PLG: variants seen among roughly 807,000 people sequenced by gnomAD.
The protein encoded by PLG is plasmin.
PLG carries 41 observed loss-of-function variants against 104.4 expected under a neutral mutation model. The observed-to-expected ratio is 0.39, with a 90% confidence interval of 0.31 to 0.51. The LOEUF (loss-of-function observed/expected upper bound fraction) is 0.51. Among genes scored for constraint, PLG ranks in the 20% least tolerant of loss-of-function variants. The probability of loss-of-function intolerance (pLI) is 0.76; values close to 1 mark genes in which losing one functional copy is unlikely to be tolerated. For missense variants in PLG, 891 were observed against 1,003.6 expected (o/e 0.89, Z 1.52); for synonymous variants, 337 against 357.1 (o/e 0.94, Z 0.63).
rs950620666 is a variant in PLG, at chr6:160,741,177, C to T, written c.2019-134C>T. Reference sequence around the variant, plus strand: ...TGTGAGGGTGAAACTCTGTGTTCTACGTTGCTCTGTGTCAGTGAAGCAAGG... The same window carrying T: ...TGTGAGGGTGAAACTCTGTGTTCTATGTTGCTCTGTGTCAGTGAAGCAAGG... On this transcript the variant is annotated intron_variant, in intron 16 of 18. Transcript: ENST00000308192. The surrounding 1 kb of genome is among the most constrained non-coding windows in gnomAD (Gnocchi z 4.7). 2.0e-5 allele frequency: 14 copies of T among 708,998 alleles called. 1 individual carries two copies. Among genetic ancestry groups the T allele is most frequent in the South Asian group, 5.9e-5 (4 of 67,980 alleles). 43.9% of individuals were successfully genotyped at this position (708,998 alleles called of 1,614,324 possible). A position where few individuals can be genotyped will look rare whatever the true frequency, so the allele number is the denominator to read the frequency against.
intron 7 of PLG, among the ~76,000 whole-genome samples, chr6:160,717,967 T>C (rs940240287): frequency 6.6e-6 from 1 of 152,130 alleles, no homozygotes. Flanking sequence ...TTATTCATTG[T>C]AGGGCTGGGC....
At position 160,712,973 on chromosome 6, in the gene PLG, C is replaced by T. The variant is rs1243829125; in HGVS notation, c.408-13C>T. 3 of 1,606,746 alleles carry T rather than the reference C, an allele frequency of 1.9e-6. No individual in the cohort carries two copies. The highest frequency in any genetic ancestry group is 2.7e-5 in the African/African-American group (2 of 74,760). ...AGAATATAGTCTAAGTGCTTCTTTTCCATCCTCCCCAGATTCTCACCTGCT... is the reference window on the plus strand; with the variant it reads ...AGAATATAGTCTAAGTGCTTCTTTTTCATCCTCCCCAGATTCTCACCTGCT... On this transcript the variant is annotated splice_polypyrimidine_tract_variant and intron_variant, in intron 4 of 18. Transcript: ENST00000308192.
In PLG at chr6:160,734,080, C is replaced by T; in HGVS notation, c.1673C>T (p.Pro558Leu). The T allele has an allele frequency of 6.3e-7, 1 of 1,590,340 alleles. No individual in the cohort carries two copies. The highest frequency in any genetic ancestry group is 8.6e-7 in the Non-Finnish European group (1 of 1,158,750). ...AAACTTTACGACTACTGTGATGTCC[C>T]TCAGTGTGGTAGGTTGCCTTCTTTT... ...PRKLYDYCDVPQCAAPSFDCG... is the reference protein window; with the variant it reads ...PRKLYDYCDVLQCAAPSFDCG... The change falls in exon 13 of 19, where the codon CCT becomes CTT. Residue 558 changes from proline to leucine, a missense_variant. Around this residue, in one of 2 missense-constraint regions of PLG, gnomAD observed 854 missense variants for 932.1 expected, o/e 0.92. Transcript: ENST00000308192. The surrounding 1 kb of genome is among the most constrained non-coding windows in gnomAD (Gnocchi z 4.4).
Position 160,737,090 on chromosome 6 carries a change from C to G in PLG, c.1802+83C>G. The stretch of plus-strand genomic sequence containing the variant: ...CTTCTACATTTACATAAAATCCACA[C>G]AGCTGAGGCATCAGCACCTGCCTCT... On this transcript the variant is annotated intron_variant, in intron 14 of 18. Coordinates refer to ENST00000308192, the MANE Select transcript of PLG (RefSeq NM_000301.5). The surrounding 1 kb of genome is among the most constrained non-coding windows in gnomAD (Gnocchi z 4.7). 2 of 1,579,664 alleles carry G rather than the reference C, an allele frequency of 1.3e-6. No individual in the cohort carries two copies. Among genetic ancestry groups the G allele is most frequent in the Non-Finnish European group, 1.7e-6 (2 of 1,157,902 alleles).
chr6:160,718,881 C>T (rs373262924), intron 9 of PLG, 43 bp downstream of exon 9: 2 of 1,584,464 alleles, frequency 1.3e-6, no homozygotes, highest in Non-Finnish European at 1.7e-6. Flanking sequence ...CAAGTTTTCT[C>T]CTTATTTTTG....
intron 9 of PLG, 55 bp downstream of exon 9, chr6:160,718,893 A>G: frequency 6.8e-7 from 1 of 1,465,760 alleles, no homozygotes; most frequent in Admixed American, 1.7e-5. Flanking sequence ...TTATTTTTGT[A>G]TACCAGTGGC....
chr6:160,751,351 C>T (rs1158198793), intron 17 of PLG, among the ~76,000 whole-genome samples: 2 of 152,190 alleles, frequency 1.3e-5, no homozygotes, highest in Non-Finnish European at 2.9e-5. Context: ...CCTCCTTACG[C>T]CTCAGTTTCC....
intron 6 of PLG, among the ~76,000 whole-genome samples, chr6:160,715,454 T>C (rs964913138): frequency 1.3e-5 from 2 of 152,222 alleles, no homozygotes; most frequent in Non-Finnish European, 2.9e-5. Context: ...TGAGGATTCG[T>C]AACTTCCATC....
intron 10 of PLG, among the ~76,000 whole-genome samples, chr6:160,727,006 A>C (rs1163464099): frequency 2.0e-5 from 3 of 151,982 alleles, no homozygotes; most frequent in Non-Finnish European, 4.4e-5. Flanking sequence ...GTTCTTTTGA[A>C]AGATTCATGT....
intron 6 of PLG, among the ~76,000 whole-genome samples, chr6:160,716,388 G>C (rs1316615528): frequency 6.6e-6 from 1 of 152,162 alleles, no homozygotes; most frequent in African/African-American, 2.4e-5. Context: ...GCTTGAGTGA[G>C]TTCAAGGAGT....
chr6:160,708,970 T>G (rs34126283), intron 3 of PLG, among the ~76,000 whole-genome samples: 1 of 147,884 alleles, frequency 6.8e-6, no homozygotes, highest in Non-Finnish European at 1.5e-5. Context: ...TACCAGATTT[T>G]AAAAAAAAAA....
At chr6:160,702,443 T>A in intron 1 of PLG, 90 bp downstream of exon 1, 2 of 1,322,504 alleles carry the variant, frequency 1.5e-6, no homozygotes, top group East Asian at 4.8e-5. Flanking sequence ...GTGCAATTCA[T>A]TTAATTTTTG....
Position 160,737,308 on chromosome 6 carries a change from T to C in PLG, c.1802+301T>C, listed in dbSNP as rs902072449. ...TTGCTGGAAAATACTGAAGATGCTC[T>C]GAGGATTTCTATGGATATCCATTGT... is the stretch of plus-strand genomic sequence containing the variant. On this transcript the variant is annotated intron_variant, in intron 14 of 18. Coordinates refer to ENST00000308192, the MANE Select transcript of PLG (RefSeq NM_000301.5). This position sits in a 1 kb window ranked among gnomAD's most constrained non-coding sequence, Gnocchi z 4.7. 1.3e-5 allele frequency among the ~76,000 whole-genome samples: 2 copies of C among 152,190 alleles called. No homozygotes were observed. The highest frequency in any genetic ancestry group is 1.3e-4 in the Admixed American group (2 of 15,272).
chr6:160,738,021 C>T lies in PLG; in HGVS notation c.1803-517C>T, dbSNP rs566852719. Among the ~76,000 whole-genome samples the T allele has an allele frequency of 5.6e-4, 85 of 152,154 alleles. No individual in the cohort carries two copies. The highest frequency in any genetic ancestry group is 9.7e-4 in the Non-Finnish European group (66 of 68,044). On this transcript the variant is annotated intron_variant, in intron 14 of 18. Coordinates refer to ENST00000308192, the MANE Select transcript of PLG (RefSeq NM_000301.5). This position sits in a 1 kb window ranked among gnomAD's most constrained non-coding sequence, Gnocchi z 6.8. ...ATTATTCTGAGCTATTACCTGCCTA[C>T]GCAGTCCTAGAAAGTAAGTGATTCA...
In PLG at chr6:160,716,755, C is replaced by A; in HGVS notation, c.779C>A (p.Pro260His). 6.3e-7 allele frequency: 1 copy of A among 1,581,610 alleles called. No homozygotes were observed. The highest frequency in any genetic ancestry group is 8.7e-7 in the Non-Finnish European group (1 of 1,150,360). Residue 260 changes from proline (P) to histidine (H), a missense_variant, in exon 7 of 19, where the codon CCC (proline) becomes CAC (histidine). Physicochemically the swap from Pro to His is moderately conservative, Grantham distance 77. Around this residue, in one of 2 missense-constraint regions of PLG, gnomAD observed 854 missense variants for 932.1 expected, o/e 0.92. Coordinates refer to ENST00000308192, the MANE Select transcript of PLG (RefSeq NM_000301.5). ...PNKRWELCDI[P>H]RCTTPPPSSG... ...AAGCGCTGGGAACTTTGTGACATCCCCCGCTGCAGTGAGTATGATGCACAC... is the reference window on the plus strand; with the variant it reads ...AAGCGCTGGGAACTTTGTGACATCCACCGCTGCAGTGAGTATGATGCACAC...
intron 1 of PLG, among the ~76,000 whole-genome samples, chr6:160,703,404 A>C (rs1409009695): frequency 2.6e-5 from 4 of 152,148 alleles, no homozygotes; most frequent in East Asian, 1.9e-4. Flanking sequence ...TCATACCCCC[A>C]AAAACGCACT....
rs1181367164 is a variant in PLG, at chr6:160,736,890, C to T, written c.1685C>T (p.Ala562Val). Reference sequence around the variant, plus strand: ...TCTTTCCCACCTTGTGCCACAGCGGCCCCTTCATTTGATTGTGGGAAGCCT... The same window carrying T: ...TCTTTCCCACCTTGTGCCACAGCGGTCCCTTCATTTGATTGTGGGAAGCCT... Reference protein sequence around the residue: ...YDYCDVPQCAAPSFDCGKPQV... With the variant: ...YDYCDVPQCAVPSFDCGKPQV... The change falls in exon 14 of 19, where the codon GCC becomes GTC. Residue 562 changes from alanine to valine, a missense_variant. Physicochemically the swap from Ala to Val is moderately conservative, Grantham distance 64 (BLOSUM62 0). Around this residue, in one of 2 missense-constraint regions of PLG, gnomAD observed 854 missense variants for 932.1 expected, o/e 0.92. Transcript: ENST00000308192. This position sits in a 1 kb window ranked among gnomAD's most constrained non-coding sequence, Gnocchi z 5.2. 6.2e-7 allele frequency: 1 copy of T among 1,613,902 alleles called. No homozygotes were observed. The highest frequency in any genetic ancestry group is 8.5e-7 in the Non-Finnish European group (1 of 1,179,850).
chr6:160,752,477 G>A lies in PLG; in HGVS notation c.2271+217G>A, dbSNP rs1421928233. Among the ~76,000 whole-genome samples, 1 of 152,196 alleles carries A rather than the reference G, an allele frequency of 6.6e-6. No homozygotes were observed. The highest frequency in any genetic ancestry group is 1.5e-5 in the Non-Finnish European group (1 of 68,032). On this transcript the variant is annotated intron_variant, in intron 18 of 18. Coordinates refer to ENST00000308192, the MANE Select transcript of PLG (RefSeq NM_000301.5). This position sits in a 1 kb window ranked among gnomAD's most constrained non-coding sequence, Gnocchi z 4.7. Reference sequence around the variant, plus strand: ...TGAGTTCCAAATCAGTAGCAAGCGAGTTTTAAGTGCCATAACTACCTCAGG... The same window carrying A: ...TGAGTTCCAAATCAGTAGCAAGCGAATTTTAAGTGCCATAACTACCTCAGG...
intron 1 of PLG, 54 bp from the exon 2 acceptor site, chr6:160,706,353 G>A (rs1291588255): frequency 5.6e-6 from 9 of 1,602,980 alleles, no homozygotes; most frequent in African/African-American, 1.3e-5. Flanking sequence ...ATGACAATTA[G>A]ACATTGACAT....
Sources: allele counts gnomAD v4.1 joint callset (sites outside exome capture counted in the v4.1 genomes callset), GRCh38; gene constraint gnomAD v4.1.1; regional missense constraint gnomAD v4.1.1; non-coding constraint Gnocchi (gnomAD v3.1); transcripts MANE v1.5; gene names NCBI Gene and HGNC (gene_info 2026-07-23, HGNC 2026-07-21).